Variants in SPICE1 observed in about 807,000 individuals in gnomAD.
The protein encoded by SPICE1 is spindle and centriole-associated protein 1.
SPICE1 carries 75 observed loss-of-function variants against 102.7 expected under a neutral mutation model. That is an observed-to-expected ratio of 0.73 (90% confidence interval 0.61 to 0.88). The LOEUF (loss-of-function observed/expected upper bound fraction) is 0.88. Ranked by LOEUF, SPICE1 falls within the 40% of genes least tolerant of loss-of-function variation. The pLI is 0.00. For synonymous variants in SPICE1, 308 were observed against 350.3 expected (o/e 0.88, Z 1.35); for missense variants, 979 against 1,020.1 (o/e 0.96, Z 0.55).
Position 113,486,883 on chromosome 3 carries a change from A to C in SPICE1, c.611+2062T>G, listed in dbSNP as rs921997280. ...AGGAGATATATATATATATATATAT[A>C]TCTGCTTACATTTATAAAAAGAAAC... is the stretch of plus-strand genomic sequence containing the variant. On this transcript the variant is annotated intron_variant, in intron 7 of 17. Coordinates refer to ENST00000295872, the MANE Select transcript of SPICE1 (RefSeq NM_144718.4). 6.2e-5 allele frequency among the ~76,000 whole-genome samples: 9 copies of C among 145,782 alleles called. No homozygotes were observed. In the South Asian group the frequency reaches 6.5e-4, roughly 10 times the overall value.
rs1935521217 is a variant in SPICE1 at position 113,446,653 on chromosome 3, G to A, written c.2450C>T (p.Ser817Phe). Residue 817 changes from serine (S) to phenylalanine (F), a missense_variant, in exon 17 of 18, where the codon TCT becomes TTT. Coordinates refer to ENST00000295872, the MANE Select transcript of SPICE1 (RefSeq NM_144718.4). ...TRRSSGATGNSCSPLNATSGS... is the reference protein window; with the variant it reads ...TRRSSGATGNFCSPLNATSGS... ...TGAGGTGGCATTTAGTGGAGAACAAGAATTACCAGTAGCCCCGGAAGATCT... is the reference window on the plus strand; with the variant it reads ...TGAGGTGGCATTTAGTGGAGAACAAAAATTACCAGTAGCCCCGGAAGATCT... The A allele has an allele frequency of 1.2e-6, 2 of 1,613,398 alleles. No individual in the cohort carries two copies. The highest frequency in any genetic ancestry group is 1.1e-5 in the South Asian group (1 of 90,980).
intron 2 of SPICE1, among the ~76,000 whole-genome samples, chr3:113,503,581 A>G (rs1360183585): frequency 2.0e-5 from 3 of 152,204 alleles, no homozygotes; most frequent in African/African-American, 7.2e-5. Flanking sequence ...TAGTTTTCAC[A>G]CTGTAGTCTA....
chr3:113,478,129 A>G (rs1435451812), intron 7 of SPICE1, among the ~76,000 whole-genome samples: 1 of 152,080 alleles, frequency 6.6e-6, no homozygotes, highest in African/African-American at 2.4e-5. Flanking sequence ...TTAAAAGAAC[A>G]GAGAAGAAAC....
At chr3:113,509,828 T>C (rs1937184127) in intron 1 of SPICE1, among the ~76,000 whole-genome samples, 1 of 152,182 alleles carries the variant, frequency 6.6e-6, no homozygotes, top group Non-Finnish European at 1.5e-5. Context: ...TCTTGCTGTT[T>C]TCATGATAGT....
chr3:113,502,452 C>T (rs1937026530), intron 3 of SPICE1, among the ~76,000 whole-genome samples: 1 of 152,026 alleles, frequency 6.6e-6, no homozygotes, highest in Non-Finnish European at 1.5e-5. Flanking sequence ...CATAAAAGCA[C>T]AAAGTACATT....
intron 1 of SPICE1, among the ~76,000 whole-genome samples, chr3:113,512,396 A>G (rs1043237730): frequency 6.7e-6 from 1 of 148,638 alleles, no homozygotes; most frequent in African/African-American, 2.5e-5. Context: ...CTTTGCACTG[A>G]AAAGCTTTCT....
intron 7 of SPICE1, among the ~76,000 whole-genome samples, chr3:113,476,473 C>G (rs1484848193): frequency 2.7e-5 from 4 of 148,354 alleles, no homozygotes; most frequent in African/African-American, 1.0e-4. Flanking sequence ...GCCTGCATCA[C>G]CAAGTCAATC....
At chr3:113,469,501 T>C (rs1011890045) in intron 7 of SPICE1, among the ~76,000 whole-genome samples, 6 of 147,038 alleles carry the variant, frequency 4.1e-5, no homozygotes, top group African/African-American at 1.5e-4. Flanking sequence ...ATATTACATG[T>C]AATTTAATTT....
Position 113,484,278 on chromosome 3 carries a change from T to C in SPICE1, c.611+4667A>G, listed in dbSNP as rs1343937707. Among the ~76,000 whole-genome samples, 10 of 152,176 alleles carry C rather than the reference T, an allele frequency of 6.6e-5. No individual in the cohort carries two copies. In the South Asian group the frequency reaches 1.2e-3, roughly 19 times the overall value. On this transcript the variant is annotated intron_variant, in intron 7 of 17. Coordinates refer to ENST00000295872, the MANE Select transcript of SPICE1 (RefSeq NM_144718.4). Reference sequence around the variant, plus strand: ...TCTATTTGATTCTTCTCTCTTTTTTTCTTTATTAGTCTGGCTACCAGTCTA... The same window carrying C: ...TCTATTTGATTCTTCTCTCTTTTTTCCTTTATTAGTCTGGCTACCAGTCTA...
At chr3:113,481,215 C>T (rs2107481137) in intron 7 of SPICE1, among the ~76,000 whole-genome samples, 1 of 152,126 alleles carries the variant, frequency 6.6e-6, no homozygotes, top group Admixed American at 6.5e-5. Flanking sequence ...AATATCAAGG[C>T]AACACATGGA....
intron 7 of SPICE1, among the ~76,000 whole-genome samples, chr3:113,475,610 G>A (rs913477613): frequency 2.0e-5 from 3 of 151,964 alleles, no homozygotes; most frequent in Non-Finnish European, 4.4e-5. Flanking sequence ...TTCATCCCTG[G>A]GATGCAAGGC....
chr3:113,491,359 G>A (rs890768638), intron 6 of SPICE1, among the ~76,000 whole-genome samples: 3 of 151,956 alleles, frequency 2.0e-5, no homozygotes, highest in Non-Finnish European at 4.4e-5. Context: ...GGTGGCTCAC[G>A]CCTGTAATCC....
intron 6 of SPICE1, among the ~76,000 whole-genome samples, chr3:113,491,042 C>T (rs1393497779): frequency 6.6e-6 from 1 of 152,198 alleles, no homozygotes; most frequent in Non-Finnish European, 1.5e-5. Flanking sequence ...TGACTCCACT[C>T]TTTAAAATCC....
At chr3:113,504,463 C>T (rs1216199343) in intron 2 of SPICE1, among the ~76,000 whole-genome samples, 2 of 150,060 alleles carry the variant, frequency 1.3e-5, no homozygotes, top group Non-Finnish European at 3.0e-5. Flanking sequence ...TGGTGGTGTG[C>T]GCTTGTAGTC....
At chr3:113,471,157 G>T (rs970900751) in intron 7 of SPICE1, among the ~76,000 whole-genome samples, 1 of 152,152 alleles carries the variant, frequency 6.6e-6, no homozygotes, top group Non-Finnish European at 1.5e-5. Context: ...AATGCCTGAA[G>T]ATATTCCATG....
At chr3:113,471,219 G>A (rs1241282895) in intron 7 of SPICE1, among the ~76,000 whole-genome samples, 1 of 152,188 alleles carries the variant, frequency 6.6e-6, no homozygotes, top group Non-Finnish European at 1.5e-5. Context: ...AAAAGGGGTA[G>A]GGGAAGCCTC....
intron 13 of SPICE1, among the ~76,000 whole-genome samples, chr3:113,456,076 G>A (rs192825673): frequency 4.9e-4 from 74 of 152,326 alleles, no homozygotes; most frequent in African/African-American, 1.6e-3. Flanking sequence ...ATACCAGCAC[G>A]TCTGACTCTC....
intron 1 of SPICE1, chr3:113,514,625 T>A (rs770485720): frequency 6.1e-6 from 3 of 490,140 alleles, no homozygotes; most frequent in Non-Finnish European, 7.7e-6. Context: ...TCTTCTCTAC[T>A]GGGTTAACTT....
chr3:113,508,302 T>C (rs549421857), intron 1 of SPICE1, among the ~76,000 whole-genome samples: 12 of 152,266 alleles, frequency 7.9e-5, no homozygotes, highest in African/African-American at 2.9e-4. Context: ...TAAGAATTTT[T>C]GTGCTTCGAA....
Sources: gnomAD v4.1 joint callset for allele counts (sites outside exome capture counted in the v4.1 genomes callset) on GRCh38, gnomAD v4.1.1 for gene constraint, MANE v1.5 for transcripts, NCBI Gene and HGNC (gene_info 2026-07-23, HGNC 2026-07-21) for gene names.